The following LYPD6 variants were observed in gnomAD, a reference collection of about 807,000 sequenced individuals.
LYPD6 encodes the protein LY6/PLAUR domain containing 6.
In LYPD6, 15 loss-of-function variants were observed where a neutral mutation model predicts 22.7. That is an observed-to-expected ratio of 0.66 (90% confidence interval 0.44 to 1.02). The LOEUF (loss-of-function observed/expected upper bound fraction) is 1.02, where lower values mean the gene tolerates loss of function less well. Ranked by LOEUF, LYPD6 falls within the 50% of genes least tolerant of loss-of-function variation. LYPD6 has a pLI of 0.00. For missense variants in LYPD6, 189 were observed against 208.4 expected (o/e 0.91, Z 0.57); for synonymous variants, 72 against 77.5 (o/e 0.93, Z 0.37).
At chr2:149,343,978 A>G (rs1681208492) in intron 1 of LYPD6, among the ~76,000 whole-genome samples, 2 of 152,154 alleles carry the variant, frequency 1.3e-5, no homozygotes, top group South Asian at 2.1e-4. Context: ...TTCACTCTAT[A>G]TATCTGAAAG....
At chr2:149,380,949 C>A (rs1405948242) in intron 1 of LYPD6, among the ~76,000 whole-genome samples, 1 of 152,112 alleles carries the variant, frequency 6.6e-6, no homozygotes, top group Non-Finnish European at 1.5e-5. Context: ...CAGAAGCCAA[C>A]TGAAGAAGAG....
At chr2:149,330,839 C>G (rs556609372) in intron 1 of LYPD6, 117 bp downstream of exon 1, 4 of 152,424 alleles carry the variant, frequency 2.6e-5, no homozygotes, top group Admixed American at 1.3e-4. Flanking sequence ...TGGAACTACC[C>G]GATGCTAGGG....
chr2:149,459,770 C>T (rs1015206771), intron 3 of LYPD6, among the ~76,000 whole-genome samples: 2 of 151,992 alleles, frequency 1.3e-5, no homozygotes, highest in Admixed American at 1.3e-4. Context: ...GGCTTGGTGG[C>T]AGGCACCTGT....
chr2:149,400,886 C>T (rs57130060), intron 1 of LYPD6, among the ~76,000 whole-genome samples: 44,926 of 151,962 alleles, frequency 0.3, 8,298 homozygotes, highest in African/African-American at 0.53. Context: ...TTACTTTTCT[C>T]GGTAATATGA....
intron 3 of LYPD6, among the ~76,000 whole-genome samples, chr2:149,456,497 T>C (rs1267667400): frequency 6.6e-6 from 1 of 152,166 alleles, no homozygotes; most frequent in African/African-American, 2.4e-5. Flanking sequence ...CAAATTCTTA[T>C]GTTGAAGTCT....
downstream of LYPD6, among the ~76,000 whole-genome samples, chr2:149,478,769 C>T (rs1681480629): frequency 6.6e-6 from 1 of 152,060 alleles, no homozygotes; most frequent in African/African-American, 2.4e-5. Flanking sequence ...CTCTTTTGAG[C>T]ACAACTCTGG....
chr2:149,451,565 A>G (rs1680810767), intron 3 of LYPD6, among the ~76,000 whole-genome samples: 1 of 152,182 alleles, frequency 6.6e-6, no homozygotes, highest in African/African-American at 2.4e-5. Flanking sequence ...GTCAAAAAGA[A>G]AAAGCAAGGG....
chr2:149,330,593 C>G lies in LYPD6; in HGVS notation c.-201C>G, dbSNP rs1399526895. 2 of 151,462 alleles carry G rather than the reference C, an allele frequency of 1.3e-5. No homozygotes were observed. The highest frequency in any genetic ancestry group is 4.8e-5 in the African/African-American group (2 of 41,328). 9.4% of individuals were successfully genotyped at this position (151,462 alleles called of 1,614,324 possible). On this transcript the variant is annotated 5_prime_UTR_variant, in exon 1 of 5. Coordinates refer to ENST00000334166, the MANE Select transcript of LYPD6 (RefSeq NM_194317.5). ...CCTCTCCCCGCTGCGCTCCCTCGCT[C>G]CTTCCCTGAGCTCCCGGGCTCCGGC...
chr2:149,479,896 C>T, the LYPD6 span, among the ~76,000 whole-genome samples: 10 of 152,268 alleles, frequency 6.6e-5, no homozygotes, highest in Admixed American at 2.0e-4. Context: ...GAAAACAATG[C>T]CCTCTCTATG....
chr2:149,353,881 G>A (rs76186005), intron 1 of LYPD6, among the ~76,000 whole-genome samples: 2,575 of 152,162 alleles, frequency 0.017, 82 homozygotes, highest in African/African-American at 0.059. Flanking sequence ...TGGAAACAGT[G>A]GGCCTGTAAC....
chr2:149,466,067 A>G (rs963580369), intron 3 of LYPD6, among the ~76,000 whole-genome samples: 1 of 152,136 alleles, frequency 6.6e-6, no homozygotes, highest in African/African-American at 2.4e-5. Flanking sequence ...ATGCATAGAG[A>G]ACAATGCTCT....
chr2:149,468,494 G>T (rs1490883780), intron 3 of LYPD6, 151 bp from the exon 4 acceptor site: 3 of 752,790 alleles, frequency 4.0e-6, no homozygotes, highest in African/African-American at 3.5e-5. Context: ...CTCCAAAGAG[G>T]TCTTTGGGGT....
At chr2:149,373,845 G>T (rs1456921780) in intron 1 of LYPD6, among the ~76,000 whole-genome samples, 1 of 152,192 alleles carries the variant, frequency 6.6e-6, no homozygotes, top group African/African-American at 2.4e-5. Context: ...ATTCTATTAT[G>T]TAATGTAAAG....
chr2:149,483,503 C>T, the LYPD6 span, among the ~76,000 whole-genome samples: 1 of 152,140 alleles, frequency 6.6e-6, no homozygotes, highest in Non-Finnish European at 1.5e-5. Flanking sequence ...AAGTTTCTGA[C>T]TCACTGGTCA....
chr2:149,417,849 C>G (rs775379789), intron 1 of LYPD6, among the ~76,000 whole-genome samples: 1 of 151,912 alleles, frequency 6.6e-6, no homozygotes, highest in Non-Finnish European at 1.5e-5. Flanking sequence ...GTTTTGTTTT[C>G]TTTGTAACAC....
chr2:149,331,608 A>G (rs1050198200), intron 1 of LYPD6, among the ~76,000 whole-genome samples: 7 of 152,036 alleles, frequency 4.6e-5, no homozygotes, highest in Admixed American at 2.6e-4. Flanking sequence ...AGAGGACTCC[A>G]AAGACTTGTT....
At chr2:149,477,031 G>T (rs900077022), downstream of LYPD6, among the ~76,000 whole-genome samples, 3 of 152,220 alleles carry the variant, frequency 2.0e-5, no homozygotes, top group Admixed American at 6.5e-5. Context: ...GATGTCAGTG[G>T]TGGGAGAGAA....
chr2:149,442,920 T>C (rs953296136), intron 2 of LYPD6, among the ~76,000 whole-genome samples: 1 of 152,168 alleles, frequency 6.6e-6, no homozygotes, highest in African/African-American at 2.4e-5. Flanking sequence ...ATTGAGAATG[T>C]GCACAGATAT....
intron 1 of LYPD6, among the ~76,000 whole-genome samples, chr2:149,347,981 C>T (rs112484571): frequency 3.8e-4 from 56 of 147,000 alleles, no homozygotes; most frequent in African/African-American, 1.3e-3. Flanking sequence ...TTTGGGAGGC[C>T]GAGGCAGGTG....
Sources: allele counts gnomAD v4.1 joint callset (sites outside exome capture counted in the v4.1 genomes callset), GRCh38; gene constraint gnomAD v4.1.1; transcripts MANE v1.5; gene names NCBI Gene and HGNC (gene_info 2026-07-23, HGNC 2026-07-21).